Variants in RBFOX1 observed in about 807,000 individuals in gnomAD.
The protein encoded by RBFOX1 is RNA binding fox-1 homolog 1, also known as RNA binding protein fox-1 homolog 1.
A neutral mutation model predicts 57.7 loss-of-function variants in RBFOX1; 8 were observed. That is an observed-to-expected ratio of 0.14 (90% CI 0.08 to 0.25). The LOEUF (loss-of-function observed/expected upper bound fraction) is 0.25. Among genes scored for constraint, RBFOX1 ranks in the 10% least tolerant of loss-of-function variants. The pLI, the probability that RBFOX1 is intolerant of heterozygous loss-of-function variation, is 1.00. For missense variants in RBFOX1, 611 were observed against 548.5 expected (o/e 1.11, Z -1.14); for synonymous variants, 326 against 222.4 (o/e 1.47, Z -4.15).
chr16:5,764,029 C>G (rs568133210), intron 3 of RBFOX1, among the ~76,000 whole-genome samples: 15 of 152,252 alleles, frequency 9.9e-5, no homozygotes, highest in Non-Finnish European at 1.9e-4. Context: ...TTGCTGTACC[C>G]CCGTGGTTAG....
intron 3 of RBFOX1, among the ~76,000 whole-genome samples, chr16:6,862,862 G>C (rs2059257664): frequency 6.6e-6 from 1 of 151,198 alleles, no homozygotes; most frequent in Non-Finnish European, 1.5e-5. Context: ...GCCGGCACCT[G>C]TAATCCCAGC....
At chr16:6,972,980 A>C (rs2085923533) in intron 3 of RBFOX1, among the ~76,000 whole-genome samples, 3 of 151,740 alleles carry the variant, frequency 2.0e-5, no homozygotes, top group Admixed American at 2.0e-4. Flanking sequence ...AAATAAAAAT[A>C]GTTAGCCCAG....
intron 3 of RBFOX1, among the ~76,000 whole-genome samples, chr16:6,808,713 C>G (rs1424146744): frequency 6.6e-6 from 1 of 152,076 alleles, no homozygotes. Context: ...AACCTCTGCC[C>G]CCAGGTAATA....
At chr16:7,207,214 A>T (rs934791286) in intron 4 of RBFOX1, among the ~76,000 whole-genome samples, 2 of 152,070 alleles carry the variant, frequency 1.3e-5, no homozygotes, top group African/African-American at 4.8e-5. Context: ...GTAGCTGCTC[A>T]TTTTTATGTA....
At chr16:6,315,941 A>G (rs1039270453) in intron 1 of RBFOX1, among the ~76,000 whole-genome samples, 1 of 152,212 alleles carries the variant, frequency 6.6e-6, no homozygotes, top group Non-Finnish European at 1.5e-5. Context: ...GTATATCTAT[A>G]TATCTAGATA....
chr16:7,386,306 C>A (rs1242479564), intron 4 of RBFOX1, among the ~76,000 whole-genome samples: 1 of 152,102 alleles, frequency 6.6e-6, no homozygotes, highest in Non-Finnish European at 1.5e-5. Flanking sequence ...CATAGCTATA[C>A]ATGTGCCATG....
At chr16:5,674,892 A>G (rs1411271653) in intron 3 of RBFOX1, among the ~76,000 whole-genome samples, 1 of 152,164 alleles carries the variant, frequency 6.6e-6, no homozygotes, top group Non-Finnish European at 1.5e-5. Flanking sequence ...CATGTCTGTA[A>G]TCCCAGCACT....
chr16:7,325,566 C>G (rs1391826317), intron 4 of RBFOX1, among the ~76,000 whole-genome samples: 2 of 152,166 alleles, frequency 1.3e-5, no homozygotes, highest in African/African-American at 4.8e-5. Flanking sequence ...AAAGCAGTCT[C>G]TAAGTGGGGA....
chr16:6,634,173 G>T (rs773047332), intron 2 of RBFOX1, among the ~76,000 whole-genome samples: 1 of 152,134 alleles, frequency 6.6e-6, no homozygotes, highest in Non-Finnish European at 1.5e-5. Context: ...AGAATGGGTA[G>T]AAAAGTCAAT....
chr16:6,440,572 C>T (rs2094354992), intron 2 of RBFOX1, among the ~76,000 whole-genome samples: 2 of 152,060 alleles, frequency 1.3e-5, no homozygotes, highest in South Asian at 4.2e-4. Context: ...GAGGCTGAGG[C>T]AGGCGGATCA....
intron 3 of RBFOX1, among the ~76,000 whole-genome samples, chr16:6,944,237 A>G (rs767234448): frequency 1.3e-5 from 2 of 151,894 alleles, no homozygotes; most frequent in Non-Finnish European, 2.9e-5. Context: ...TCTACTAAAA[A>G]TACAAAAATA....
chr16:7,127,530 T>C (rs2068923669), intron 4 of RBFOX1, among the ~76,000 whole-genome samples: 1 of 152,210 alleles, frequency 6.6e-6, no homozygotes, highest in African/African-American at 2.4e-5. Context: ...TTTTGGTATA[T>C]GGTGTGTACT....
chr16:6,834,399 A>G (rs1045697319), intron 3 of RBFOX1, among the ~76,000 whole-genome samples: 16 of 152,112 alleles, frequency 1.1e-4, no homozygotes, highest in African/African-American at 3.9e-4. Flanking sequence ...ATATTTTAAT[A>G]AGATCTCTTG....
chr16:7,100,497 T>A (rs138907144), intron 4 of RBFOX1, among the ~76,000 whole-genome samples: 1 of 151,654 alleles, frequency 6.6e-6, no homozygotes, highest in African/African-American at 2.4e-5. Flanking sequence ...CATATTTTCA[T>A]ACAAATTATC....
At chr16:5,855,018 A>G (rs1331639370) in intron 3 of RBFOX1, among the ~76,000 whole-genome samples, 2 of 152,138 alleles carry the variant, frequency 1.3e-5, no homozygotes, top group African/African-American at 4.8e-5. Context: ...CCATTTGTAC[A>G]TCTTCTTTGG....
intron 1 of RBFOX1, among the ~76,000 whole-genome samples, chr16:6,227,469 C>G (rs1258548015): frequency 6.6e-6 from 1 of 152,144 alleles, no homozygotes. Context: ...ACCTTGATTT[C>G]TCAGGGTTTT....
chr16:6,491,783 A>C (rs557018570), intron 2 of RBFOX1, among the ~76,000 whole-genome samples: 5 of 152,296 alleles, frequency 3.3e-5, no homozygotes, highest in South Asian at 2.1e-4. Flanking sequence ...CTGCTAATCA[A>C]ATTTGAAGCT....
chr16:6,594,452 A>T (rs1037806624), intron 2 of RBFOX1, among the ~76,000 whole-genome samples: 7 of 152,158 alleles, frequency 4.6e-5, no homozygotes, highest in African/African-American at 7.2e-5. Context: ...GTCTGTGGCA[A>T]ACTCGGCAAT....
chr16:5,529,474 G>C (rs2044374987), intron 2 of RBFOX1, among the ~76,000 whole-genome samples: 1 of 149,450 alleles, frequency 6.7e-6, no homozygotes, highest in Admixed American at 6.7e-5. Context: ...TCAGCTCACT[G>C]CATCCTCTGC....
Sources: allele counts gnomAD v4.1 joint callset (sites outside exome capture counted in the v4.1 genomes callset), GRCh38; gene constraint gnomAD v4.1.1; transcripts MANE v1.5; gene names NCBI Gene and HGNC (gene_info 2026-07-23, HGNC 2026-07-21).